Variants in NEDD4L observed in about 807,000 individuals in gnomAD.
The protein encoded by NEDD4L is NEDD4 like E3 ubiquitin protein ligase.
NEDD4L carries 54 observed loss-of-function variants against 148.9 expected under a neutral mutation model. That is an observed-to-expected ratio of 0.36 (90% CI 0.29 to 0.45). The LOEUF is 0.45. Ranked by LOEUF, NEDD4L falls within the 20% of genes least tolerant of loss-of-function variation. NEDD4L has a pLI of 1.00. For synonymous variants in NEDD4L, 433 were observed against 440.7 expected, an observed-to-expected ratio of 0.98 and a Z score of 0.22; for missense variants, 856 against 1,233.8, an observed-to-expected ratio of 0.69 and a Z score of 4.59.
At position 58,185,614 on chromosome 18, in the gene NEDD4L, C is replaced by T. The variant is rs2039376896; in HGVS notation, c.122+19753C>T. Among the ~76,000 whole-genome samples the T allele has an allele frequency of 2.6e-5, 4 of 152,186 alleles. No individual in the cohort carries two copies. In the South Asian group the frequency reaches 8.3e-4, roughly 32 times the overall value. Reference sequence around the variant, plus strand: ...CCTGGTTGGGTGCTGTGGCTCACGCCTGTAATCCCAACACTTTGGGAGGCC... The same window carrying T: ...CCTGGTTGGGTGCTGTGGCTCACGCTTGTAATCCCAACACTTTGGGAGGCC... On this transcript the variant is annotated intron_variant, in intron 2 of 30. Coordinates refer to ENST00000400345, the MANE Select transcript of NEDD4L (RefSeq NM_001144967.3).
intron 2 of NEDD4L, among the ~76,000 whole-genome samples, chr18:58,188,052 C>T (rs1207217658): frequency 6.6e-6 from 1 of 152,170 alleles, no homozygotes; most frequent in East Asian, 1.9e-4. Flanking sequence ...GGAGTTTGAA[C>T]AAAAGCAGGA....
intron 2 of NEDD4L, among the ~76,000 whole-genome samples, chr18:58,188,370 C>T (rs576273843): frequency 6.6e-6 from 1 of 152,358 alleles, no homozygotes; most frequent in South Asian, 2.1e-4. Context: ...GTTGCCAAGA[C>T]TCAGTCCAAA....
intron 1 of NEDD4L, among the ~76,000 whole-genome samples, chr18:58,153,782 G>A (rs4940650): frequency 0.2 from 30,653 of 151,988 alleles, 3,350 homozygotes; most frequent in East Asian, 0.44. Context: ...GAGTAGCTGG[G>A]AGTACAGGCG....
At chr18:58,351,625 A>T (rs2043899070) in intron 18 of NEDD4L, among the ~76,000 whole-genome samples, 1 of 152,208 alleles carries the variant, frequency 6.6e-6, no homozygotes, top group African/African-American at 2.4e-5. Context: ...CTAAAAGTTC[A>T]ACTAATAAAA....
chr18:58,246,803 T>C (rs1165556976), intron 3 of NEDD4L, among the ~76,000 whole-genome samples: 2 of 152,186 alleles, frequency 1.3e-5, no homozygotes, highest in Admixed American at 1.3e-4. Context: ...CATGTATTTA[T>C]AGACATATGT....
chr18:58,165,321 A>G (rs967433209), intron 1 of NEDD4L, among the ~76,000 whole-genome samples: 3 of 152,262 alleles, frequency 2.0e-5, no homozygotes, highest in African/African-American at 4.8e-5. Context: ...GTTGATGCCA[A>G]CATTTTAAAA....
intron 1 of NEDD4L, among the ~76,000 whole-genome samples, chr18:58,059,858 G>T (rs73959464): frequency 6.6e-6 from 1 of 152,040 alleles, no homozygotes; most frequent in Admixed American, 6.6e-5. Context: ...TATGTATTTC[G>T]AAATAACATG....
intron 5 of NEDD4L, among the ~76,000 whole-genome samples, chr18:58,304,218 G>A (rs2149285315): frequency 6.6e-6 from 1 of 152,054 alleles, no homozygotes; most frequent in East Asian, 1.9e-4. Context: ...AGATACCCTA[G>A]TCAGAAGTAA....
intron 4 of NEDD4L, among the ~76,000 whole-genome samples, chr18:58,251,710 G>C (rs2047965079): frequency 6.6e-6 from 1 of 152,202 alleles, no homozygotes; most frequent in Non-Finnish European, 1.5e-5. Context: ...GCCTTGTACA[G>C]AGGTTAGGAA....
intron 1 of NEDD4L, among the ~76,000 whole-genome samples, chr18:58,147,122 G>A (rs2034177256): frequency 6.6e-6 from 1 of 152,238 alleles, no homozygotes; most frequent in Non-Finnish European, 1.5e-5. Context: ...ATAGCTTTGT[G>A]TGTCTGTGTG....
intron 30 of NEDD4L, among the ~76,000 whole-genome samples, chr18:58,393,699 C>T (rs2050121694): frequency 6.6e-6 from 1 of 152,210 alleles, no homozygotes; most frequent in Non-Finnish European, 1.5e-5. Flanking sequence ...GAAACAGAAA[C>T]TTCACTGGCT....
chr18:58,368,425 A>G (rs989846664), intron 22 of NEDD4L, among the ~76,000 whole-genome samples: 2 of 152,236 alleles, frequency 1.3e-5, no homozygotes, highest in Admixed American at 6.5e-5. Context: ...ACCTGGCGGT[A>G]TCTATAGGCT....
chr18:58,221,695 C>G (rs2043794449), intron 2 of NEDD4L: 5 of 985,512 alleles, frequency 5.1e-6, no homozygotes, highest in Non-Finnish European at 6.0e-6. Flanking sequence ...AGATTTCCAG[C>G]AGCGCTAGTC....
At chr18:58,162,573 A>G (rs1243960382) in intron 1 of NEDD4L, among the ~76,000 whole-genome samples, 2 of 150,956 alleles carry the variant, frequency 1.3e-5, no homozygotes, top group Admixed American at 6.6e-5. Context: ...ACTTGCCACC[A>G]TCAGAAATTA....
intron 2 of NEDD4L, chr18:58,221,675 T>G: frequency 1.0e-6 from 1 of 985,416 alleles, no homozygotes; most frequent in Non-Finnish European, 1.2e-6. Flanking sequence ...AGCCGGAGGG[T>G]CACCAAGGTA....
intron 2 of NEDD4L, among the ~76,000 whole-genome samples, chr18:58,196,286 T>C (rs1356296208): frequency 6.6e-6 from 1 of 152,190 alleles, no homozygotes; most frequent in Admixed American, 6.5e-5. Flanking sequence ...ACAACATACT[T>C]CTCTATTGTT....
chr18:58,287,829 A>C (rs900333811), intron 5 of NEDD4L, among the ~76,000 whole-genome samples: 1 of 152,194 alleles, frequency 6.6e-6, no homozygotes, highest in South Asian at 2.1e-4. Flanking sequence ...GGAATAGTGA[A>C]TAAGCAAGGA....
intron 5 of NEDD4L, among the ~76,000 whole-genome samples, chr18:58,285,422 A>C (rs2053750535): frequency 6.6e-6 from 1 of 152,020 alleles, no homozygotes; most frequent in Admixed American, 6.6e-5. Context: ...TCCACCTCCC[A>C]GGTTCAAGCA....
At position 58,366,007 on chromosome 18, in the gene NEDD4L, C is replaced by A. The variant is rs1485651646; in HGVS notation, c.1842C>A (p.Ile614=). The A allele has an allele frequency of 6.2e-7, 1 of 1,605,936 alleles. No homozygotes were observed. The highest frequency in any genetic ancestry group is 2.2e-5 in the East Asian group (1 of 44,814). The change falls in exon 21 of 31, where the codon ATC becomes ATA. Residue 614 remains isoleucine, a synonymous_variant. Transcript: ENST00000400345. This position sits in a 1 kb window ranked among gnomAD's most constrained non-coding sequence, Gnocchi z 4.2. The part of the protein sequence containing the change: ...FRKKLKKPAD[I]PNRFEMKLHR... ...TTTTGTCTTTTGTGTAGGCTGATATCCCCAATAGGTTTGAAATGAAACTTC... is the reference window on the plus strand; with the variant it reads ...TTTTGTCTTTTGTGTAGGCTGATATACCCAATAGGTTTGAAATGAAACTTC...
Sources: allele counts gnomAD v4.1 joint callset (sites outside exome capture counted in the v4.1 genomes callset), GRCh38; gene constraint gnomAD v4.1.1; non-coding constraint Gnocchi (gnomAD v3.1); transcripts MANE v1.5; gene names NCBI Gene and HGNC (gene_info 2026-07-23, HGNC 2026-07-21).